Variants in MAN1A2 observed in about 807,000 individuals in gnomAD.
MAN1A2 encodes mannosidase alpha class 1A member 2, also known as mannosyl-oligosaccharide 1,2-alpha-mannosidase IB.
A neutral mutation model predicts 75.7 loss-of-function variants in MAN1A2; 26 were observed. That is an observed-to-expected ratio of 0.34 (90% CI 0.25 to 0.48). MAN1A2 has a LOEUF of 0.48. MAN1A2 is among the 20% of genes least tolerant of loss of function. The pLI is 0.99. For missense variants in MAN1A2, 562 were observed against 775.5 expected (o/e 0.72, Z 3.27); for synonymous variants, 247 against 264.6 (o/e 0.93, Z 0.65).
chr1:117,431,775 C>T (rs940014617), intron 5 of MAN1A2, among the ~76,000 whole-genome samples: 4 of 152,124 alleles, frequency 2.6e-5, no homozygotes, highest in African/African-American at 9.7e-5. Context: ...CATGGCAAAT[C>T]CTCATCTCTA....
chr1:117,378,658 A>G (rs1186821676), intron 1 of MAN1A2, among the ~76,000 whole-genome samples: 1 of 152,008 alleles, frequency 6.6e-6, no homozygotes, highest in African/African-American at 2.4e-5. Flanking sequence ...TTTTGTTTAC[A>G]GCCCCTGAAG....
chr1:117,368,286 G>A lies in MAN1A2; in HGVS notation c.103G>A (p.Glu35Lys). The A allele has an allele frequency of 6.2e-7, 1 of 1,614,138 alleles. No individual in the cohort carries two copies. Among genetic ancestry groups the A allele is most frequent in the Non-Finnish European group, 8.5e-7 (1 of 1,180,020 alleles). The stretch of plus-strand genomic sequence containing the variant: ...TCACAGGGCTACCTTGAGACTTTCT[G>A]AGAAGTTTATTCTTCTCCTTATTCT... ...PHHRATLRLS[E>K]KFILLLILSA... is the part of the protein sequence containing the mutation. Residue 35 changes from glutamate (E) to lysine (K), a missense_variant, in exon 1 of 13, where the codon GAG (glutamate) becomes AAG (lysine). This residue lies in a region of MAN1A2 where 128 missense variants were observed against 129.8 expected (regional missense o/e 0.99). Coordinates refer to ENST00000356554, the MANE Select transcript of MAN1A2 (RefSeq NM_006699.5).
rs569073204 is a variant in MAN1A2, at chr1:117,451,637, C to T, written c.951-8852C>T. 3.9e-5 allele frequency among the ~76,000 whole-genome samples: 6 copies of T among 152,278 alleles called. No individual in the cohort carries two copies. In the South Asian group the frequency reaches 1.2e-3, roughly 32 times the overall value. ...TATTCTTGTGATAGTGAATAAGTCT[C>T]ACGAGATCTGATGGTTTTAAAAAGG... On this transcript the variant is annotated intron_variant, in intron 6 of 12. Transcript: ENST00000356554.
At position 117,527,783 on chromosome 1, in the gene MAN1A2, G is replaced by C. The variant is rs1485922603; in HGVS notation, c.*4826G>C. The stretch of plus-strand genomic sequence containing the variant: ...TAGAGCTGCAGAAATTCACCCACTT[G>C]GGTACTCTTAGAGCTCTACAGCAAG... On this transcript the variant is annotated 3_prime_UTR_variant, in exon 13 of 13. Coordinates refer to ENST00000356554, the MANE Select transcript of MAN1A2 (RefSeq NM_006699.5). 1.3e-5 allele frequency: 2 copies of C among 151,998 alleles called. No homozygotes were observed. The highest frequency in any genetic ancestry group is 2.1e-4 in the South Asian group (1 of 4,824). 9.4% of individuals were successfully genotyped at this position (151,998 alleles called of 1,614,324 possible).
In MAN1A2 at chr1:117,503,630, C is replaced by G. The variant is rs75070638; in HGVS notation, c.1793+660C>G. ...AAATAAATATCTCTTCATACTCGCT[C>G]TTAAATTTATTATTTGTATTTCTTG... On this transcript the variant is annotated intron_variant, in intron 12 of 12. Coordinates refer to ENST00000356554, the MANE Select transcript of MAN1A2 (RefSeq NM_006699.5). 7.3e-3 allele frequency among the ~76,000 whole-genome samples: 1,109 copies of G among 151,604 alleles called. 18 individuals are homozygous for G. The highest frequency in any genetic ancestry group is 0.024 in the African/African-American group (1,008 of 41,468).
chr1:117,460,464 C>A (rs1237022667), intron 6 of MAN1A2, 25 bp from the exon 7 acceptor site: 1 of 1,581,198 alleles, frequency 6.3e-7, no homozygotes, highest in Non-Finnish European at 8.6e-7. Context: ...TCCTGTGTCT[C>A]CTTTTACTTT....
At chr1:117,492,211 G>C (rs1427843449) in intron 8 of MAN1A2, among the ~76,000 whole-genome samples, 2 of 151,950 alleles carry the variant, frequency 1.3e-5, no homozygotes, top group Non-Finnish European at 2.9e-5. Context: ...AAATCAAACA[G>C]GAAGAATCAA....
chr1:117,379,760 A>G (rs1293051169), intron 1 of MAN1A2, among the ~76,000 whole-genome samples: 2 of 151,986 alleles, frequency 1.3e-5, no homozygotes, highest in African/African-American at 4.8e-5. Context: ...GGGTTCTTTC[A>G]CTTAGCATAA....
intron 5 of MAN1A2, among the ~76,000 whole-genome samples, chr1:117,423,697 G>T (rs1648270886): frequency 6.6e-6 from 1 of 151,830 alleles, no homozygotes; most frequent in Admixed American, 6.6e-5. Flanking sequence ...TAAATTCTCA[G>T]TTGTCTCAGG....
At chr1:117,445,648 T>C (rs917712637) in intron 6 of MAN1A2, among the ~76,000 whole-genome samples, 4 of 151,896 alleles carry the variant, frequency 2.6e-5, no homozygotes, top group Admixed American at 6.6e-5. Flanking sequence ...CATCTCAGCC[T>C]CTCTAGTAGC....
In MAN1A2 at chr1:117,402,424, A is replaced by T; in HGVS notation, c.541A>T (p.Arg181Trp). 1 of 1,595,384 alleles carries T rather than the reference A, an allele frequency of 6.3e-7. No individual in the cohort carries two copies. The highest frequency in any genetic ancestry group is 1.4e-5 in the African/African-American group (1 of 73,570). Residue 181 changes from arginine to tryptophan, a missense_variant, in exon 2 of 13, where the codon AGG (arginine) becomes TGG (tryptophan). Coordinates refer to ENST00000356554, the MANE Select transcript of MAN1A2 (RefSeq NM_006699.5). ...AGAAGATAATGACATAAGAGAGAAA[A>T]GGGAAAAAATTAAAGAGGTAATAAG... ...DPEDNDIREK[R>W]EKIKEMMKHA...
chr1:117,467,905 A>G lies in MAN1A2; in HGVS notation c.1168+1478A>G, dbSNP rs184848606. 2.7e-3 allele frequency among the ~76,000 whole-genome samples: 413 copies of G among 152,280 alleles called. 4 individuals are homozygous for G. The highest frequency in any genetic ancestry group is 0.013 in the South Asian group (64 of 4,826). ...TATATGGTATTACTATTTAAATGTA[A>G]AAGATGAAATCATAAAAGTACTAAA... On this transcript the variant is annotated intron_variant, in intron 8 of 12. Coordinates refer to ENST00000356554, the MANE Select transcript of MAN1A2 (RefSeq NM_006699.5).
At chr1:117,454,947 T>C (rs1354029684) in intron 6 of MAN1A2, among the ~76,000 whole-genome samples, 5 of 151,644 alleles carry the variant, frequency 3.3e-5, no homozygotes, top group African/African-American at 7.3e-5. Context: ...GTAAAGAAAA[T>C]GGAATACTAA....
intron 4 of MAN1A2, among the ~76,000 whole-genome samples, chr1:117,416,922 T>C (rs2101774400): frequency 6.6e-6 from 1 of 152,256 alleles, no homozygotes; most frequent in South Asian, 2.1e-4. Context: ...ATTGTGTGTC[T>C]GTATGTGTGA....
chr1:117,503,915 C>T (rs553437409), intron 12 of MAN1A2, among the ~76,000 whole-genome samples: 1 of 151,556 alleles, frequency 6.6e-6, no homozygotes, highest in African/African-American at 2.4e-5. Flanking sequence ...GTTTTCCTAT[C>T]TTTTTAGCTT....
rs1488741422 is a variant in MAN1A2, at chr1:117,411,288, A to G, written c.656-3425A>G. On this transcript the variant is annotated intron_variant, in intron 3 of 12. Transcript: ENST00000356554. The stretch of plus-strand genomic sequence containing the variant: ...AGAATAGAAATAGAAGTGTACATAC[A>G]TGGTTAATTGATTTTCAACAAAGAT... Among the ~76,000 whole-genome samples, 8 of 151,824 alleles carry G rather than the reference A, an allele frequency of 5.3e-5. No homozygotes were observed. In the East Asian group the frequency reaches 9.6e-4, roughly 18 times the overall value.
intron 6 of MAN1A2, among the ~76,000 whole-genome samples, chr1:117,445,766 A>T (rs955483780): frequency 7.3e-5 from 11 of 149,862 alleles, no homozygotes; most frequent in Non-Finnish European, 1.2e-4. Context: ...AGCTCAAGTG[A>T]TCCTCCCTCC....
At chr1:117,424,060 A>G (rs1055435952) in intron 5 of MAN1A2, among the ~76,000 whole-genome samples, 5 of 151,994 alleles carry the variant, frequency 3.3e-5, no homozygotes, top group African/African-American at 1.2e-4. Context: ...AACTTCATTA[A>G]TTAATTCTAG....
At chr1:117,466,192 T>G in intron 7 of MAN1A2, 142 bp from the exon 8 acceptor site, 1 of 527,078 alleles carries the variant, frequency 1.9e-6, no homozygotes, top group Non-Finnish European at 3.4e-6. Context: ...CTTCCCTGAC[T>G]TCCCCCTGCC....
Sources: allele counts gnomAD v4.1 joint callset (sites outside exome capture counted in the v4.1 genomes callset), GRCh38; gene constraint gnomAD v4.1.1; regional missense constraint gnomAD v4.1.1; transcripts MANE v1.5; gene names NCBI Gene and HGNC (gene_info 2026-07-23, HGNC 2026-07-21).